NCKAP1: variants seen among roughly 807,000 people sequenced by gnomAD.
NCKAP1 encodes NCK associated protein 1.
Under a neutral mutation model 151.2 loss-of-function variants are expected in NCKAP1, and 21 were observed. The ratio of observed to expected loss-of-function variants is 0.14; its 90% CI spans 0.10 to 0.20. The LOEUF (loss-of-function observed/expected upper bound fraction) is 0.20. NCKAP1 is among the 10% of genes least tolerant of loss of function. The probability of loss-of-function intolerance (pLI) is 1.00; values close to 1 mark genes in which losing one functional copy is unlikely to be tolerated. For synonymous variants in NCKAP1, 484 were observed against 451.8 expected (o/e 1.07, Z -0.90); for missense variants, 933 against 1,352.1 (o/e 0.69, Z 4.86).
chr2:182,962,112 G>T (rs368993440), intron 18 of NCKAP1, 47 bp downstream of exon 18: 2 of 1,544,910 alleles, frequency 1.3e-6, no homozygotes, highest in African/African-American at 2.8e-5. Context: ...ACATTTTCTT[G>T]CCTTCACACA....
chr2:182,968,740 A>G (rs1279054634), intron 15 of NCKAP1, among the ~76,000 whole-genome samples: 1 of 152,172 alleles, frequency 6.6e-6, no homozygotes, highest in Non-Finnish European at 1.5e-5. Context: ...GCAGTGAATG[A>G]AGTCTTTTGT....
chr2:183,010,082 T>G (rs976038953), intron 2 of NCKAP1, among the ~76,000 whole-genome samples: 1 of 152,190 alleles, frequency 6.6e-6, no homozygotes. Context: ...AGTTTTCTAT[T>G]AAAGAACTGA....
chr2:183,019,933 G>A (rs1010996218), intron 2 of NCKAP1, among the ~76,000 whole-genome samples: 2 of 152,038 alleles, frequency 1.3e-5, no homozygotes, highest in Non-Finnish European at 2.9e-5. Flanking sequence ...CATCATCACT[G>A]TAGAAGTCAT....
At chr2:182,937,845 G>A (rs77184695) in intron 24 of NCKAP1, among the ~76,000 whole-genome samples, 8,248 of 152,224 alleles carry the variant, frequency 0.054, 295 homozygotes, top group Non-Finnish European at 0.08. Context: ...GATGGTGAGA[G>A]AGGTAACAAA....
chr2:183,003,914 G>C (rs373473468), intron 2 of NCKAP1, among the ~76,000 whole-genome samples: 1,432 of 4,054 alleles, frequency 0.35, 23 homozygotes, highest in African/African-American at 0.38. Flanking sequence ...AGACATGAAA[G>C]AGGGAAATGT....
chr2:182,953,948 A>T (rs1481714174), intron 20 of NCKAP1, among the ~76,000 whole-genome samples: 1 of 152,256 alleles, frequency 6.6e-6, no homozygotes, highest in Non-Finnish European at 1.5e-5. Context: ...TAGCAAGGAC[A>T]GTGAACTATT....
chr2:183,013,600 T>C (rs1356344129), intron 2 of NCKAP1, among the ~76,000 whole-genome samples: 1 of 152,162 alleles, frequency 6.6e-6, no homozygotes, highest in Non-Finnish European at 1.5e-5. Context: ...CTATTCTCCC[T>C]ATTTTCACCT....
At chr2:182,977,081 T>C (rs932464284) in intron 14 of NCKAP1, 130 bp from the exon 15 acceptor site, 5 of 518,244 alleles carry the variant, frequency 9.6e-6, no homozygotes, top group Non-Finnish European at 1.6e-5. Context: ...AAAGCCAAGG[T>C]CTTAAAGAGA....
chr2:183,037,914 C>T (rs1415924712), intron 1 of NCKAP1, 78 bp downstream of exon 1: 6 of 1,153,236 alleles, frequency 5.2e-6, no homozygotes, highest in Non-Finnish European at 4.7e-6. Flanking sequence ...CCTGCCGCCC[C>T]CACCCCACGG....
chr2:182,986,345 A>C, intron 9 of NCKAP1, 118 bp from the exon 10 acceptor site: 4 of 801,222 alleles, frequency 5.0e-6, no homozygotes, highest in Admixed American at 2.5e-5. Flanking sequence ...ACTGGCCATC[A>C]AACTGGAAGT....
chr2:183,004,408 G>A (rs1349931976), intron 2 of NCKAP1, among the ~76,000 whole-genome samples: 2 of 133,692 alleles, frequency 1.5e-5, no homozygotes, highest in Admixed American at 1.8e-4. Flanking sequence ...TGGTAAGTCA[G>A]AAAATTTACA....
intron 8 of NCKAP1, among the ~76,000 whole-genome samples, chr2:182,989,821 G>A (rs778484815): frequency 6.6e-6 from 1 of 152,054 alleles, no homozygotes; most frequent in Non-Finnish European, 1.5e-5. Context: ...CCAACATGGT[G>A]AAATCCCGTC....
In NCKAP1 at chr2:182,916,796, A is replaced by T. The variant is rs568929329; in HGVS notation, c.*8906T>A. The T allele has an allele frequency of 5.3e-5, 8 of 152,346 alleles. No homozygotes were observed. The South Asian group carries it at 1.7e-3, about 32-fold the overall frequency. The allele number at this position is 152,346 out of a possible 1,614,324, so 9.4% of individuals were successfully genotyped here. On this transcript the variant is annotated 3_prime_UTR_variant, in exon 31 of 31. Coordinates refer to ENST00000361354, the MANE Select transcript of NCKAP1 (RefSeq NM_013436.5). ...GTATAGTATATAAAAATATAGTATAACATACATATAGTATAGAGCAGTCTT... is the reference window on the plus strand; with the variant it reads ...GTATAGTATATAAAAATATAGTATATCATACATATAGTATAGAGCAGTCTT...
At chr2:183,015,488 A>G (rs1223460596) in intron 2 of NCKAP1, among the ~76,000 whole-genome samples, 1 of 152,004 alleles carries the variant, frequency 6.6e-6, no homozygotes, top group Non-Finnish European at 1.5e-5. Context: ...GCTCCAGGAA[A>G]AAAAAAAAAT....
At chr2:182,953,396 C>T in intron 20 of NCKAP1, 65 bp from the exon 21 acceptor site, 2 of 1,049,732 alleles carry the variant, frequency 1.9e-6, no homozygotes, top group Non-Finnish European at 2.8e-6. Context: ...AAATAAACCA[C>T]TCAACCTACT....
chr2:182,909,459 T>C lies in NCKAP1; in HGVS notation c.*16243A>G, dbSNP rs1360908419. ...AGGAATTATACAATATCTGTTCTTT[T>C]GTGGCTGGCTTATTTCACTCAGCAT... On this transcript the variant is annotated 3_prime_UTR_variant, in exon 31 of 31. Transcript: ENST00000361354. The C allele has an allele frequency of 6.6e-6, 1 of 152,234 alleles. No individual in the cohort carries two copies. The highest frequency in any genetic ancestry group is 2.4e-5 in the African/African-American group (1 of 41,466). 9.4% of individuals were successfully genotyped at this position (152,234 alleles called of 1,614,324 possible).
intron 19 of NCKAP1, chr2:182,957,103 T>C (rs555199562): frequency 5.5e-6 from 1 of 181,506 alleles, no homozygotes; most frequent in African/African-American, 2.4e-5. Context: ...TGTTCTAATA[T>C]ATCAAAAACA....
At chr2:183,004,470 C>T (rs1471597801) in intron 2 of NCKAP1, among the ~76,000 whole-genome samples, 2 of 138,424 alleles carry the variant, frequency 1.4e-5, no homozygotes, top group African/African-American at 2.9e-5. Flanking sequence ...CTACGAAAAA[C>T]CTATTTAAAA....
rs1450228129 is a variant in NCKAP1 at position 182,923,561 on chromosome 2, C to G, written c.*2141G>C. On this transcript the variant is annotated 3_prime_UTR_variant, in exon 31 of 31. Transcript: ENST00000361354. ...GTGCTGAAATAGGCGTGTGCCACTA[C>G]GCCTGGCCATGAAATTGTTAAATTA... 6.6e-6 allele frequency: 1 copy of G among 152,066 alleles called. No homozygotes were observed. The highest frequency in any genetic ancestry group is 2.4e-5 in the African/African-American group (1 of 41,416). 9.4% of individuals were successfully genotyped at this position (152,066 alleles called of 1,614,324 possible). A position where few individuals can be genotyped will look rare whatever the true frequency, so the allele number is the denominator to read the frequency against.
Sources: allele counts gnomAD v4.1 joint callset (sites outside exome capture counted in the v4.1 genomes callset), GRCh38; gene constraint gnomAD v4.1.1; transcripts MANE v1.5; gene names NCBI Gene and HGNC (gene_info 2026-07-23, HGNC 2026-07-21).